The following PTPRS variants were observed in gnomAD, a reference collection of about 807,000 sequenced individuals.
The protein encoded by PTPRS is receptor-type tyrosine-protein phosphatase S.
Under a neutral mutation model 215.3 loss-of-function variants are expected in PTPRS, and 63 were observed. That is an observed-to-expected ratio of 0.29 (90% CI 0.24 to 0.36). The LOEUF (loss-of-function observed/expected upper bound fraction) is 0.36. Among genes scored for constraint, PTPRS ranks in the 10% least tolerant of loss-of-function variants. PTPRS has a pLI of 1.00. For synonymous variants in PTPRS, 1,404 were observed against 1,191.4 expected, an observed-to-expected ratio of 1.18 and a Z score of -3.68; for missense variants, 2,258 against 2,825.8, an observed-to-expected ratio of 0.80 and a Z score of 4.56.
intron 4 of PTPRS, among the ~76,000 whole-genome samples, chr19:5,268,451 G>A (rs2046622452): frequency 6.6e-6 from 1 of 152,006 alleles, no homozygotes; most frequent in Admixed American, 6.6e-5. Context: ...GGGGTGGGTG[G>A]CCGTGGACAG....
chr19:5,244,174 C>G lies in PTPRS; in HGVS notation c.1297G>C (p.Val433Leu). The G allele has an allele frequency of 6.3e-7, 1 of 1,598,192 alleles. No homozygotes were observed. The highest frequency in any genetic ancestry group is 8.5e-7 in the Non-Finnish European group (1 of 1,171,796). Residue 433 changes from valine (V) to leucine (L), a missense_variant, in exon 11 of 38, where the codon GTG becomes CTG. By Grantham distance (32) the Val-to-Leu change is conservative. This residue lies in a region of PTPRS where 508 missense variants were observed against 799.4 expected (regional missense o/e 0.64). Transcript: ENST00000262963. This position sits in a 1 kb window ranked among gnomAD's most constrained non-coding sequence, Gnocchi z 7.2. ...EQAPASAPRN[V>L]QARMLSATTM... is the part of the protein sequence containing the mutation. ...GTCGCGCTGAGCATCCGGGCTTGCA[C>G]GTTCCGCGGCGCGCTGGCCGGGGCC...
chr19:5,218,427 C>T lies in PTPRS; in HGVS notation c.4041G>A (p.Gln1347=), dbSNP rs751996451. ...CCAGGGATAAGTACATACCTGGAGT[C>T]TGGAAGTTAATGCGTCTCATTTCCA... ...DPVEMRRINF[Q]TPDSGLRSPL... The change falls in exon 25 of 38, where the codon CAG becomes CAA. Residue 1347 remains glutamine, a synonymous_variant. Coordinates refer to ENST00000262963, the MANE Select transcript of PTPRS (RefSeq NM_002850.4). 6.2e-7 allele frequency: 1 copy of T among 1,613,518 alleles called. No homozygotes were observed. The highest frequency in any genetic ancestry group is 8.5e-7 in the Non-Finnish European group (1 of 1,179,768).
At chr19:5,208,500 A>AGAT in intron 35 of PTPRS, 109 bp from the exon 36 acceptor site, 2 of 1,182,290 alleles carry the variant, frequency 1.7e-6, no homozygotes, top group Non-Finnish European at 1.1e-6. Flanking sequence ...TTTGTTTTTG[A>AGAT]GATGGAGTTT....
intron 17 of PTPRS, among the ~76,000 whole-genome samples, chr19:5,224,990 C>T (rs2042348445): frequency 6.6e-6 from 1 of 151,468 alleles, no homozygotes; most frequent in Non-Finnish European, 1.5e-5. Context: ...TTGTTCCGCC[C>T]ACCACCACCA....
chr19:5,306,954 G>A (rs539337593), intron 1 of PTPRS, among the ~76,000 whole-genome samples: 10 of 152,168 alleles, frequency 6.6e-5, no homozygotes, highest in Non-Finnish European at 8.8e-5. Context: ...AAGTACTCAC[G>A]GCAAAAGGCT....
At chr19:5,259,323 A>G (rs552986099) in intron 7 of PTPRS, among the ~76,000 whole-genome samples, 1 of 152,358 alleles carries the variant, frequency 6.6e-6, no homozygotes, top group South Asian at 2.1e-4. Flanking sequence ...ATAAAAATGA[A>G]TGAACCTTCT....
rs750760376 is a variant in PTPRS, at chr19:5,206,779, T to G, written c.5842A>C (p.Thr1948Pro). 1.2e-6 allele frequency: 2 copies of G among 1,613,676 alleles called. No individual in the cohort carries two copies. Among genetic ancestry groups the G allele is most frequent in the African/African-American group, 2.7e-5 (2 of 74,900 alleles). The change falls in exon 38 of 38, where the codon ACC (threonine) becomes CCC (proline). Residue 1948 changes from threonine to proline, a missense_variant. By Grantham distance (38) the Thr-to-Pro change is conservative. Transcript: ENST00000262963. ...EYLGSFDHYA[T>P] Reference sequence around the variant, plus strand: ...GCCTGGGGGGAACCATGGCTTTAGGTTGCATAGTGGTCAAAGCTTCCGAGG... The same window carrying G: ...GCCTGGGGGGAACCATGGCTTTAGGGTGCATAGTGGTCAAAGCTTCCGAGG...
Position 5,326,833 on chromosome 19 carries a change from A to G in PTPRS, c.-95+13831T>C, listed in dbSNP as rs184143200. The stretch of plus-strand genomic sequence containing the variant: ...AGGATAGAAGTAAAGAAAGAACAAG[A>G]GAGAAAGAAAGAAAAAGGAAGGAAG... On this transcript the variant is annotated intron_variant, in intron 1 of 37. Transcript: ENST00000262963. 3.3e-5 allele frequency among the ~76,000 whole-genome samples: 5 copies of G among 152,212 alleles called. No individual in the cohort carries two copies. The East Asian group carries it at 9.7e-4, about 29-fold the overall frequency.
intron 1 of PTPRS, among the ~76,000 whole-genome samples, chr19:5,340,446 C>T (rs1420007711): frequency 6.6e-6 from 1 of 150,948 alleles, no homozygotes; most frequent in East Asian, 2.0e-4. Flanking sequence ...GCGGCCCCGG[C>T]CCTGTCCCTC....
intron 1 of PTPRS, among the ~76,000 whole-genome samples, chr19:5,300,228 G>A (rs187765662): frequency 2.8e-5 from 4 of 142,082 alleles, no homozygotes; most frequent in African/African-American, 8.0e-5. Flanking sequence ...GCAACGGGGC[G>A]AGACTCCATC....
chr19:5,226,145 G>A (rs1000026082), intron 16 of PTPRS, among the ~76,000 whole-genome samples: 6 of 152,168 alleles, frequency 3.9e-5, no homozygotes, highest in Non-Finnish European at 2.9e-5. Flanking sequence ...CAGCCAGAGG[G>A]CGCCTGTGAG....
In PTPRS at chr19:5,293,548, C is replaced by T. The variant is rs955004682; in HGVS notation, c.-94-7314G>A. Among the ~76,000 whole-genome samples, 2 of 152,198 alleles carry T rather than the reference C, an allele frequency of 1.3e-5. No homozygotes were observed. Among genetic ancestry groups the T allele is most frequent in the African/African-American group, 4.8e-5 (2 of 41,466 alleles). On this transcript the variant is annotated intron_variant, in intron 1 of 37. Transcript: ENST00000262963. The surrounding 1 kb of genome is among the most constrained non-coding windows in gnomAD (Gnocchi z 8.4). ...CACGGGGAGCCTCTACACTGCTCCTCGCTTCCCCAGCTCTGATCGTAGCCA... is the reference window on the plus strand; with the variant it reads ...CACGGGGAGCCTCTACACTGCTCCTTGCTTCCCCAGCTCTGATCGTAGCCA...
At chr19:5,258,439 G>A (rs558428762) in intron 7 of PTPRS, among the ~76,000 whole-genome samples, 3 of 152,338 alleles carry the variant, frequency 2.0e-5, no homozygotes, top group South Asian at 2.1e-4. Flanking sequence ...GGAGAAAAGT[G>A]TGTTTGAGAA....
intron 18 of PTPRS, 40 bp from the exon 19 acceptor site, chr19:5,222,260 A>G: frequency 6.5e-7 from 1 of 1,535,010 alleles, no homozygotes; most frequent in South Asian, 1.1e-5. Context: ...AGCAGAAGAG[A>G]GGCCCCATGA....
At position 5,274,303 on chromosome 19, in the gene PTPRS, C is replaced by T. The variant is rs761620469; in HGVS notation, c.133G>A (p.Val45Met). ...FIKEPKDQIG[V>M]SGGVASFVCQ... ...ACGAAAGAGGCCACACCCCCCGACA[C>T]GCCGATCTGGTCCTTGGGTTCTTTG... is the stretch of plus-strand genomic sequence containing the variant. The change falls in exon 3 of 38, where the codon GTG becomes ATG. Residue 45 changes from valine (V) to methionine (M), a missense_variant. Physicochemically the swap from Val to Met is conservative, Grantham distance 21. Around this residue, in one of 6 missense-constraint regions of PTPRS, gnomAD observed 508 missense variants for 799.4 expected, o/e 0.64. Coordinates refer to ENST00000262963, the MANE Select transcript of PTPRS (RefSeq NM_002850.4). 2.3e-5 allele frequency: 37 copies of T among 1,613,666 alleles called. No homozygotes were observed. The highest frequency in any genetic ancestry group is 6.6e-5 in the South Asian group (6 of 91,060).
chr19:5,244,429 T>A lies in PTPRS; in HGVS notation c.1042A>T (p.Ile348Phe), dbSNP rs752122945. The A allele has an allele frequency of 1.1e-5, 17 of 1,614,056 alleles. No homozygotes were observed. The highest frequency in any genetic ancestry group is 1.7e-5 in the Admixed American group (1 of 60,008). Reference sequence around the variant, plus strand: ...TTGCCCGAGTCCCACGTGATGGTGATGCTGGTGGCTGTGTTCTCAGTCACC... The same window carrying A: ...TTGCCCGAGTCCCACGTGATGGTGAAGCTGGTGGCTGTGTTCTCAGTCACC... ...PMVTENTATSITITWDSGNPD... is the reference protein window; with the variant it reads ...PMVTENTATSFTITWDSGNPD... Residue 348 changes from isoleucine to phenylalanine, a missense_variant, in exon 11 of 38, where the codon ATC becomes TTC. Transcript: ENST00000262963. This position sits in a 1 kb window ranked among gnomAD's most constrained non-coding sequence, Gnocchi z 7.2.
intron 22 of PTPRS, 121 bp downstream of exon 22, chr19:5,219,818 T>G (rs34082224): frequency 0.42 from 488,903 of 1,150,762 alleles, 106,100 homozygotes; most frequent in East Asian, 0.58. Context: ...TCTTCCCCTC[T>G]GCCCAGCTCT....
chr19:5,260,868 G>T, intron 6 of PTPRS, 46 bp from the exon 7 acceptor site: 3 of 1,608,866 alleles, frequency 1.9e-6, no homozygotes, highest in South Asian at 2.2e-5. Context: ...CAAGGCGGTT[G>T]TTGGGGGGCC....
chr19:5,206,720 G>C lies in PTPRS; in HGVS notation c.*54C>G. Reference sequence around the variant, plus strand: ...TCCAGGCCTCAGGAGGTCCGCCCGGGAGGGGCAGAGGCATCCGGGGCCAGT... The same window carrying C: ...TCCAGGCCTCAGGAGGTCCGCCCGGCAGGGGCAGAGGCATCCGGGGCCAGT... On this transcript the variant is annotated 3_prime_UTR_variant, in exon 38 of 38. Transcript: ENST00000262963. 1 of 1,538,576 alleles carries C rather than the reference G, an allele frequency of 6.5e-7. No individual in the cohort carries two copies. The highest frequency in any genetic ancestry group is 9.0e-7 in the Non-Finnish European group (1 of 1,112,468).
Sources: allele counts gnomAD v4.1 joint callset (sites outside exome capture counted in the v4.1 genomes callset), GRCh38; gene constraint gnomAD v4.1.1; regional missense constraint gnomAD v4.1.1; non-coding constraint Gnocchi (gnomAD v3.1); transcripts MANE v1.5; gene names NCBI Gene and HGNC (gene_info 2026-07-23, HGNC 2026-07-21).